Variants in KLHL14 observed in about 807,000 individuals in gnomAD.
KLHL14 encodes kelch-like protein 14.
In KLHL14, 22 loss-of-function variants were observed where a neutral mutation model predicts 64.3. The observed-to-expected ratio is 0.34, with a 90% CI of 0.24 to 0.49. The LOEUF is 0.49. Among genes scored for constraint, KLHL14 ranks in the 20% least tolerant of loss-of-function variants. KLHL14 has a pLI of 0.99. For missense variants in KLHL14, 661 were observed against 789.0 expected (o/e 0.84, Z 1.94); for synonymous variants, 322 against 333.4 (o/e 0.97, Z 0.37).
intron 3 of KLHL14, among the ~76,000 whole-genome samples, chr18:32,701,023 C>A (rs915531825): frequency 6.6e-6 from 1 of 152,122 alleles, no homozygotes; most frequent in Non-Finnish European, 1.5e-5. Flanking sequence ...AGGAGAGAGG[C>A]CCAGGGCAGA....
At chr18:32,760,538 C>G (rs1456284853) in intron 2 of KLHL14, among the ~76,000 whole-genome samples, 1 of 152,186 alleles carries the variant, frequency 6.6e-6, no homozygotes, top group Non-Finnish European at 1.5e-5. Flanking sequence ...GGAAGTGAAA[C>G]CGACTGTAAT....
chr18:32,705,293 A>G (rs2049984656), intron 3 of KLHL14, among the ~76,000 whole-genome samples: 1 of 152,276 alleles, frequency 6.6e-6, no homozygotes, highest in Non-Finnish European at 1.5e-5. Context: ...TGTTCCCAAC[A>G]CAAAGAAATG....
At chr18:32,700,220 T>G (rs1256584493) in intron 3 of KLHL14, among the ~76,000 whole-genome samples, 1 of 152,190 alleles carries the variant, frequency 6.6e-6, no homozygotes, top group Non-Finnish European at 1.5e-5. Flanking sequence ...ATAGACTTGC[T>G]AAATAGATGG....
rs1598585378 is a variant in KLHL14, at chr18:32,772,396, G to A, written c.-44+271C>T. 1.1e-5 allele frequency: 2 copies of A among 184,430 alleles called. 1 individual carries two copies. The highest frequency in any genetic ancestry group is 1.8e-4 in the South Asian group (2 of 10,940). The allele number at this position is 184,430 out of a possible 1,614,324, so 11.4% of individuals were successfully genotyped here. A position where few individuals can be genotyped will look rare whatever the true frequency, so the allele number is the denominator to read the frequency against. On this transcript the variant is annotated intron_variant, in intron 1 of 8. Coordinates refer to ENST00000359358, the MANE Select transcript of KLHL14 (RefSeq NM_020805.3). ...TACAGAGTCTCTCTCCCTTTAAGAG[G>A]ACCCGGTCATACCTCTCTCTAGCTC...
intron 5 of KLHL14, among the ~76,000 whole-genome samples, chr18:32,684,357 C>A (rs2144471209): frequency 6.6e-6 from 1 of 152,290 alleles, no homozygotes; most frequent in African/African-American, 2.4e-5. Context: ...GTGTTCTGCA[C>A]TTTTTCTCTA....
At chr18:32,750,036 TGA>T (rs142998098) in intron 2 of KLHL14, among the ~76,000 whole-genome samples, 49 of 148,736 alleles carry the variant, frequency 3.3e-4, no homozygotes, top group Non-Finnish European at 3.4e-4. Context: ...AGGGGGGCAA[TGA>T]GAGAGAGAGA....
rs2049850991 is a variant in KLHL14, at chr18:32,683,091, A to G, written c.1239-2492T>C. 1.3e-5 allele frequency among the ~76,000 whole-genome samples: 2 copies of G among 152,306 alleles called. No individual in the cohort carries two copies. Among genetic ancestry groups the G allele is most frequent in the Non-Finnish European group, 2.9e-5 (2 of 68,026 alleles). On this transcript the variant is annotated intron_variant, in intron 5 of 8. Transcript: ENST00000359358. The surrounding 1 kb of genome is among the most constrained non-coding windows in gnomAD (Gnocchi z 4.2). ...ATAAGAGGAAGATCTCCCTTTGGTG[A>G]ACTCATTTTCTTGTCTAAAATTCAG... is the stretch of plus-strand genomic sequence containing the variant.
intron 3 of KLHL14, 56 bp from the exon 4 acceptor site, chr18:32,695,608 A>T (rs1451309789): frequency 1.9e-6 from 2 of 1,079,724 alleles, no homozygotes; most frequent in African/African-American, 3.2e-5. Flanking sequence ...AGGATTTGCT[A>T]CCTTGGCTCA....
chr18:32,766,546 TA>T (rs1261515452), intron 2 of KLHL14, among the ~76,000 whole-genome samples: 3 of 152,152 alleles, frequency 2.0e-5, no homozygotes, highest in African/African-American at 7.2e-5. Context: ...AATACTTTTT[TA>T]CTAACTGTGG....
intron 2 of KLHL14, among the ~76,000 whole-genome samples, chr18:32,750,136 C>T (rs935897811): frequency 1.1e-4 from 16 of 151,882 alleles, no homozygotes; most frequent in African/African-American, 3.9e-4. Flanking sequence ...ACCTAATTAC[C>T]TCCCAAAGGT....
chr18:32,678,804 A>AT (rs1416756869), intron 7 of KLHL14, among the ~76,000 whole-genome samples: 1 of 152,136 alleles, frequency 6.6e-6, no homozygotes, highest in African/African-American at 2.4e-5. Context: ...CCTCACCATG[A>AT]TGCCTCCTTG....
chr18:32,721,991 C>G (rs765811703), intron 3 of KLHL14, among the ~76,000 whole-genome samples: 1 of 151,994 alleles, frequency 6.6e-6, no homozygotes, highest in Admixed American at 6.6e-5. Flanking sequence ...GTAATTGGAT[C>G]ATGGGGGCAG....
chr18:32,727,853 T>C (rs2050115332), intron 3 of KLHL14, among the ~76,000 whole-genome samples: 1 of 152,178 alleles, frequency 6.6e-6, no homozygotes, highest in Non-Finnish European at 1.5e-5. Flanking sequence ...CCCCATGTCA[T>C]TAGTACTCAG....
rs567161441 is a variant in KLHL14, at chr18:32,772,805, A to C, written c.-182T>G. The C allele has an allele frequency of 1.3e-5, 2 of 152,998 alleles. No homozygotes were observed. Among genetic ancestry groups the C allele is most frequent in the Non-Finnish European group, 2.9e-5 (2 of 68,606 alleles). The allele number at this position is 152,998 out of a possible 1,614,324, so 9.5% of individuals were successfully genotyped here. On this transcript the variant is annotated 5_prime_UTR_variant, in exon 1 of 9. Transcript: ENST00000359358. ...TCCCAACTCCAGGCAGTCACTCTTT[A>C]CAATTTATTTTGTCGTACATCATTT...
intron 3 of KLHL14, among the ~76,000 whole-genome samples, chr18:32,712,413 G>A (rs781614020): frequency 6.6e-6 from 1 of 152,134 alleles, no homozygotes; most frequent in African/African-American, 2.4e-5. Context: ...CCTGTACTGT[G>A]CCTTCCTTTT....
chr18:32,681,541 C>A (rs2049838734), intron 5 of KLHL14, among the ~76,000 whole-genome samples: 1 of 152,062 alleles, frequency 6.6e-6, no homozygotes, highest in Admixed American at 6.6e-5. Flanking sequence ...AAACTTGAAG[C>A]AAGCCTTTGA....
chr18:32,708,280 G>A (rs1399713216), intron 3 of KLHL14, among the ~76,000 whole-genome samples: 1 of 152,180 alleles, frequency 6.6e-6, no homozygotes, highest in African/African-American at 2.4e-5. Context: ...CATCCCACCA[G>A]AGGTGCTAGA....
intron 3 of KLHL14, among the ~76,000 whole-genome samples, chr18:32,704,616 G>C (rs545331273): frequency 1.3e-5 from 2 of 152,056 alleles, no homozygotes; most frequent in Admixed American, 6.5e-5. Flanking sequence ...CAGCTACTTG[G>C]GGGGCTGGGG....
Position 32,770,095 on chromosome 18 carries a change from A to T in KLHL14, c.497T>A (p.Ile166Asn). The part of the protein sequence containing the change: ...EVLSVSKILH[I>N]PQVTKLCVQF... ...CACGCAGAGCTTGGTGACCTGGGGG[A>T]TGTGCAGGATCTTGCTGACCGACAG... Residue 166 changes from isoleucine to asparagine, a missense_variant, in exon 2 of 9, where the codon ATC becomes AAC. Ile to Asn is a moderately radical substitution (Grantham distance 149). Coordinates refer to ENST00000359358, the MANE Select transcript of KLHL14 (RefSeq NM_020805.3). This position sits in a 1 kb window ranked among gnomAD's most constrained non-coding sequence, Gnocchi z 6.7. The T allele has an allele frequency of 6.2e-7, 1 of 1,613,764 alleles. No homozygotes were observed. The highest frequency in any genetic ancestry group is 8.5e-7 in the Non-Finnish European group (1 of 1,179,966).
Sources: gnomAD v4.1 joint callset for allele counts (sites outside exome capture counted in the v4.1 genomes callset) on GRCh38, gnomAD v4.1.1 for gene constraint, Gnocchi (gnomAD v3.1) non-coding constraint, MANE v1.5 for transcripts, NCBI Gene and HGNC (gene_info 2026-07-23, HGNC 2026-07-21) for gene names.